Variants in PGLYRP3 observed in about 807,000 individuals in gnomAD.
PGLYRP3 encodes peptidoglycan recognition protein I alpha.
PGLYRP3 carries 39 observed loss-of-function variants against 36.0 expected under a neutral mutation model. The ratio of observed to expected loss-of-function variants is 1.08; its 90% CI spans 0.84 to 1.41. The LOEUF is 1.41. Ranked by LOEUF, PGLYRP3 falls within the 40% of genes most tolerant of loss-of-function variation. The pLI is 0.00. For missense variants in PGLYRP3, 407 were observed against 427.9 expected (o/e 0.95, Z 0.43); for synonymous variants, 204 against 172.8 (o/e 1.18, Z -1.42).
At chr1:153,298,599 C>T (rs1391739855) in intron 7 of PGLYRP3, among the ~76,000 whole-genome samples, 2 of 152,096 alleles carry the variant, frequency 1.3e-5, no homozygotes, top group African/African-American at 2.4e-5. Flanking sequence ...GCCGACATCA[C>T]GCCGCTGCAC....
At chr1:153,308,911 C>T (rs1437982742) in intron 2 of PGLYRP3, among the ~76,000 whole-genome samples, 1 of 152,204 alleles carries the variant, frequency 6.6e-6, no homozygotes, top group Non-Finnish European at 1.5e-5. Flanking sequence ...TGCCACCTTT[C>T]CTGGTTCACC....
chr1:153,298,236 C>G, intron 7 of PGLYRP3, 102 bp from the exon 8 acceptor site: 1 of 1,269,874 alleles, frequency 7.9e-7, no homozygotes, highest in East Asian at 2.4e-5. Flanking sequence ...CTCCACCACG[C>G]CCCATTCCGC....
chr1:153,307,059 C>A lies in PGLYRP3; in HGVS notation c.257+7G>T. 6.2e-7 allele frequency: 1 copy of A among 1,613,358 alleles called. No homozygotes were observed. The highest frequency in any genetic ancestry group is 1.1e-5 in the South Asian group (1 of 90,886). On this transcript the variant is annotated splice_region_variant and intron_variant, in intron 3 of 7. Coordinates refer to ENST00000683862, the MANE Select transcript of PGLYRP3 (RefSeq NM_052891.3). Reference sequence around the variant, plus strand: ...TGTGGGCCTCAGGGACTTGGCTAGCCTCTTACTTGTACGCCACGTCGCACC... The same window carrying A: ...TGTGGGCCTCAGGGACTTGGCTAGCATCTTACTTGTACGCCACGTCGCACC...
At chr1:153,305,139 A>G (rs1164813443) in intron 3 of PGLYRP3, 74 bp from the exon 4 acceptor site, 4 of 1,274,654 alleles carry the variant, frequency 3.1e-6, no homozygotes, top group Non-Finnish European at 3.3e-6. Context: ...TCAAAAGGAA[A>G]AGGGGTTCTG....
intron 3 of PGLYRP3, among the ~76,000 whole-genome samples, chr1:153,306,676 C>T (rs1301193785): frequency 6.6e-6 from 1 of 152,192 alleles, no homozygotes; most frequent in African/African-American, 2.4e-5. Context: ...CATGGCTTTC[C>T]CGCCTGTGAA....
rs138679976 is a variant in PGLYRP3, at chr1:153,311,420, T to A, written c.-41-714A>T. ...AGAGTTTGAGTCACTTGTCCTAAGT[T>A]TCCCAGATAATAGGGTCAGAGCCAG... On this transcript the variant is annotated intron_variant, in intron 1 of 7. Coordinates refer to ENST00000683862, the MANE Select transcript of PGLYRP3 (RefSeq NM_052891.3). Among the ~76,000 whole-genome samples the A allele has an allele frequency of 6.3e-3, 952 of 152,264 alleles. 14 individuals carry two copies. The highest frequency in any genetic ancestry group is 0.037 in the South Asian group (176 of 4,812).
intron 1 of PGLYRP3, among the ~76,000 whole-genome samples, chr1:153,312,043 C>A (rs1659907515): frequency 6.6e-6 from 1 of 152,216 alleles, no homozygotes; most frequent in Admixed American, 6.5e-5. Flanking sequence ...TCCTGCAAAG[C>A]TACTGGAAGC....
At chr1:153,311,135 A>C (rs1232327388) in intron 1 of PGLYRP3, among the ~76,000 whole-genome samples, 1 of 152,164 alleles carries the variant, frequency 6.6e-6, no homozygotes, top group South Asian at 2.1e-4. Context: ...AACTACAAGC[A>C]GAAGCAGGCT....
Position 153,297,555 on chromosome 1 carries a change from GAAA to G in PGLYRP3, c.*398_*400del, listed in dbSNP as rs1557805345. On this transcript the variant is annotated 3_prime_UTR_variant, in exon 8 of 8. Transcript: ENST00000683862. ...GGAAGGAAGGAAGGAAGGAAGGAAAGAAAGAAAAAGAAAGAAAGAAAGAAAGAA... is the reference window on the plus strand; with the variant it reads ...GGAAGGAAGGAAGGAAGGAAGGAAAGGAAAAAGAAAGAAAGAAAGAAAGAA... Among the ~76,000 whole-genome samples the G allele has an allele frequency of 4.0e-5, 3 of 74,452 alleles. No individual in the cohort carries two copies. The highest frequency in any genetic ancestry group is 9.5e-5 in the Non-Finnish European group (3 of 31,720). 48.8% of individuals were successfully genotyped at this position (74,452 alleles called of 152,430 possible). A position where few individuals can be genotyped will look rare whatever the true frequency, so the allele number is the denominator to read the frequency against.
At chr1:153,303,533 A>G (rs1659655815) in intron 5 of PGLYRP3, among the ~76,000 whole-genome samples, 1 of 152,218 alleles carries the variant, frequency 6.6e-6, no homozygotes, top group Non-Finnish European at 1.5e-5. Context: ...CCTGAAGGTG[A>G]AGAGTTTCAT....
At chr1:153,309,423 G>T (rs1659842639) in intron 2 of PGLYRP3, among the ~76,000 whole-genome samples, 1 of 152,184 alleles carries the variant, frequency 6.6e-6, no homozygotes, top group Non-Finnish European at 1.5e-5. Flanking sequence ...CGAAGCCCCT[G>T]TTCATAACAA....
rs779268539 is a variant in PGLYRP3 at position 153,307,155 on chromosome 1, C to T, written c.168G>A (p.Gln56=). 3 of 1,612,336 alleles carry T rather than the reference C, an allele frequency of 1.9e-6. No homozygotes were observed. Among genetic ancestry groups the T allele is most frequent in the East Asian group, 4.5e-5 (2 of 44,814 alleles). The stretch of plus-strand genomic sequence containing the variant: ...GGCTGCAAACGCTCTGCTGCTGGCA[C>T]TGCATCCCTGGGAGCTGGTCTGTGA... The part of the protein sequence containing the change: ...YIITDQLPGM[Q]CQQQSVCSQM... Residue 56 remains glutamine, a synonymous_variant, in exon 3 of 8, where the codon CAG becomes CAA. Transcript: ENST00000683862.
chr1:153,304,924 G>T, intron 4 of PGLYRP3, 23 bp downstream of exon 4: 1 of 1,583,452 alleles, frequency 6.3e-7, no homozygotes, highest in Non-Finnish European at 8.7e-7. Context: ...TCCAGCACAG[G>T]GTCCGCAGGG....
intron 2 of PGLYRP3, among the ~76,000 whole-genome samples, chr1:153,308,284 G>A (rs1419188227): frequency 6.6e-6 from 1 of 152,096 alleles, no homozygotes; most frequent in Non-Finnish European, 1.5e-5. Flanking sequence ...GTGAGCCACC[G>A]CGCCCAGCCT....
intron 7 of PGLYRP3, 151 bp downstream of exon 7, chr1:153,298,962 G>A (rs975247211): frequency 3.1e-6 from 2 of 648,644 alleles, no homozygotes; most frequent in Non-Finnish European, 5.5e-6. Context: ...GGGGATCCTG[G>A]TGACATCCTG....
At chr1:153,306,779 C>T (rs767862810) in intron 3 of PGLYRP3, among the ~76,000 whole-genome samples, 15 of 152,236 alleles carry the variant, frequency 9.9e-5, no homozygotes, top group Non-Finnish European at 1.8e-4. Flanking sequence ...TAAACTGTAA[C>T]GTTTCGTGAG....
Position 153,307,180 on chromosome 1 carries a change from A to T in PGLYRP3, c.143T>A (p.Ile48Asn). The T allele has an allele frequency of 1.2e-6, 2 of 1,612,302 alleles. No individual in the cohort carries two copies. Among genetic ancestry groups the T allele is most frequent in the Non-Finnish European group, 1.7e-6 (2 of 1,179,332 alleles). ...CTGCATCCCTGGGAGCTGGTCTGTG[A>T]TGATGTAGGCCACAGGCAGGGTCAG... ...ALLTLPVAYI[I>N]TDQLPGMQCQ... is the part of the protein sequence containing the mutation. The change falls in exon 3 of 8, where the codon ATC (isoleucine) becomes AAC (asparagine). Residue 48 changes from isoleucine (I) to asparagine (N), a missense_variant. Ile to Asn is a moderately radical substitution (Grantham distance 149, BLOSUM62 -3). Transcript: ENST00000683862.
chr1:153,306,090 G>A (rs1018298271), intron 3 of PGLYRP3, among the ~76,000 whole-genome samples: 4 of 152,294 alleles, frequency 2.6e-5, no homozygotes, highest in South Asian at 4.1e-4. Context: ...CAGGTGAGTC[G>A]TGGTTGACAT....
chr1:153,306,352 C>G (rs1659738328), intron 3 of PGLYRP3, among the ~76,000 whole-genome samples: 1 of 152,232 alleles, frequency 6.6e-6, no homozygotes, highest in South Asian at 2.1e-4. Flanking sequence ...ATTCTTGAGG[C>G]TAAGGGAGAA....
Sources: allele counts gnomAD v4.1 joint callset (sites outside exome capture counted in the v4.1 genomes callset), GRCh38; gene constraint gnomAD v4.1.1; transcripts MANE v1.5; gene names NCBI Gene and HGNC (gene_info 2026-07-23, HGNC 2026-07-21).